MTUS2: variants seen among roughly 807,000 people sequenced by gnomAD.
MTUS2 encodes the protein microtubule-associated tumor suppressor candidate 2.
MTUS2 carries 40 observed loss-of-function variants against 114.1 expected under a neutral mutation model. The observed-to-expected ratio is 0.35, with a 90% CI of 0.27 to 0.46. The LOEUF is 0.46. Ranked by LOEUF, MTUS2 falls within the 20% of genes least tolerant of loss-of-function variation. MTUS2 has a pLI of 1.00. For missense variants in MTUS2, 1,679 were observed against 1,705.4 expected (o/e 0.98, Z 0.27); for synonymous variants, 688 against 672.0 (o/e 1.02, Z -0.37).
At chr13:29,246,925 A>G (rs1896948039) in intron 5 of MTUS2, among the ~76,000 whole-genome samples, 1 of 152,006 alleles carries the variant, frequency 6.6e-6, no homozygotes, top group Non-Finnish European at 1.5e-5. Flanking sequence ...TCAAAAATTC[A>G]TATGGAGCCA....
intron 5 of MTUS2, among the ~76,000 whole-genome samples, chr13:29,244,318 T>TATGGGTG (rs1896832399): frequency 6.6e-6 from 1 of 152,092 alleles, no homozygotes; most frequent in South Asian, 2.1e-4. Context: ...AGACTTACAG[T>TATGGGTG]CATGATCGAG....
At position 29,483,727 on chromosome 13, in the gene MTUS2, T is replaced by C. The variant is rs114723015; in HGVS notation, c.3399+3363T>C. Reference sequence around the variant, plus strand: ...GTTTAAAGACAAGGTATAACTCTTATTTTAAAGGTGCAATTATAAAGGTGT... The same window carrying C: ...GTTTAAAGACAAGGTATAACTCTTACTTTAAAGGTGCAATTATAAAGGTGT... On this transcript the variant is annotated intron_variant, in intron 10 of 15. Transcript: ENST00000612955. Among the ~76,000 whole-genome samples the C allele has an allele frequency of 5.4e-3, 826 of 152,316 alleles. 7 individuals are homozygous for C. The highest frequency in any genetic ancestry group is 0.018 in the African/African-American group (762 of 41,570).
intron 5 of MTUS2, among the ~76,000 whole-genome samples, chr13:29,232,167 A>G (rs1372773774): frequency 6.6e-6 from 1 of 152,138 alleles, no homozygotes; most frequent in African/African-American, 2.4e-5. Flanking sequence ...GCTTTTATTA[A>G]TAAAAGCCAG....
chr13:28,940,153 C>G (rs1882146598), intron 2 of MTUS2, among the ~76,000 whole-genome samples: 1 of 152,114 alleles, frequency 6.6e-6, no homozygotes, highest in African/African-American at 2.4e-5. Context: ...AACACAGAAA[C>G]CTATGTTTGT....
chr13:28,834,336 C>G (rs970890653), intron 1 of MTUS2, among the ~76,000 whole-genome samples: 1 of 152,056 alleles, frequency 6.6e-6, no homozygotes, highest in Non-Finnish European at 1.5e-5. Context: ...CCTTATAGAT[C>G]AGTGGTATAA....
intron 7 of MTUS2, among the ~76,000 whole-genome samples, chr13:29,335,604 TC>T (rs928816510): frequency 6.6e-6 from 1 of 152,226 alleles, no homozygotes; most frequent in Non-Finnish European, 1.5e-5. Context: ...ATGTGATATC[TC>T]CCCCAGACAC....
intron 5 of MTUS2, among the ~76,000 whole-genome samples, chr13:29,113,059 G>A (rs1041908562): frequency 6.6e-6 from 1 of 152,142 alleles, no homozygotes; most frequent in Admixed American, 6.5e-5. Flanking sequence ...TGGATTTTAG[G>A]GCCGTCTCCA....
intron 12 of MTUS2, among the ~76,000 whole-genome samples, chr13:29,495,076 C>T (rs564058051): frequency 3.4e-5 from 5 of 147,600 alleles, no homozygotes; most frequent in Admixed American, 1.4e-4. Flanking sequence ...CCCAGCTACT[C>T]GGGAGGCTGA....
At chr13:28,875,630 G>A (rs944932583) in intron 2 of MTUS2, among the ~76,000 whole-genome samples, 1 of 152,132 alleles carries the variant, frequency 6.6e-6, no homozygotes, top group Admixed American at 6.5e-5. Flanking sequence ...CTCTTCCCAG[G>A]GAGAAAGTTA....
At chr13:29,056,686 T>G (rs1481353283) in intron 4 of MTUS2, among the ~76,000 whole-genome samples, 1 of 152,120 alleles carries the variant, frequency 6.6e-6, no homozygotes, top group African/African-American at 2.4e-5. Context: ...TTGTGTTTAT[T>G]TGCATCGTCT....
At chr13:29,458,196 C>T (rs1879253590) in intron 9 of MTUS2, among the ~76,000 whole-genome samples, 1 of 152,216 alleles carries the variant, frequency 6.6e-6, no homozygotes, top group African/African-American at 2.4e-5. Context: ...ATGCTTGCCA[C>T]ATGTCCCACC....
intron 2 of MTUS2, among the ~76,000 whole-genome samples, chr13:28,998,089 G>T (rs996941841): frequency 1.3e-5 from 2 of 151,934 alleles, no homozygotes; most frequent in African/African-American, 4.8e-5. Context: ...AGGCCTGGTG[G>T]TGACAAAGTC....
intron 5 of MTUS2, among the ~76,000 whole-genome samples, chr13:29,258,593 A>G (rs1481809293): frequency 1.3e-5 from 2 of 152,178 alleles, no homozygotes; most frequent in Non-Finnish European, 2.9e-5. Context: ...GATTACATGT[A>G]TGTTCAGAAT....
chr13:29,214,096 G>A (rs1895574366), intron 5 of MTUS2, among the ~76,000 whole-genome samples: 1 of 151,800 alleles, frequency 6.6e-6, no homozygotes, highest in Non-Finnish European at 1.5e-5. Flanking sequence ...CTTACCAACA[G>A]CATACTTCCA....
At chr13:29,368,953 T>C (rs1000015001) in intron 8 of MTUS2, among the ~76,000 whole-genome samples, 2 of 152,066 alleles carry the variant, frequency 1.3e-5, no homozygotes, top group African/African-American at 4.8e-5. Flanking sequence ...GCAGTAGGCC[T>C]GGCAAGGAGA....
chr13:28,832,634 TATATA>T (rs1018339137), intron 1 of MTUS2, among the ~76,000 whole-genome samples: 16 of 148,340 alleles, frequency 1.1e-4, no homozygotes, highest in African/African-American at 3.7e-4. Flanking sequence ...AATATATAAA[TATATA>T]TAATATGACA....
intron 1 of MTUS2, among the ~76,000 whole-genome samples, chr13:28,829,204 C>T (rs758202424): frequency 2.6e-5 from 4 of 152,164 alleles, no homozygotes; most frequent in Non-Finnish European, 5.9e-5. Flanking sequence ...CCCATTCCTT[C>T]ATCCGCAGCT....
chr13:29,440,021 C>T lies in MTUS2; in HGVS notation c.3156C>T (p.Ile1052=), dbSNP rs546167811. 3.1e-6 allele frequency: 5 copies of T among 1,589,160 alleles called. No individual in the cohort carries two copies. The highest frequency in any genetic ancestry group is 2.3e-5 in the East Asian group (1 of 44,398). ...SALVKEKELS[I]ELANIRDEVA... is the part of the protein sequence containing the mutation. ...TTGTGAAAGAAAAAGAGCTGTCAAT[C>T]GAACTTGCAAACATCAGGGATGAAG... The change falls in exon 9 of 16, where the codon ATC becomes ATT. Residue 1052 remains isoleucine, a synonymous_variant. Transcript: ENST00000612955.
chr13:28,913,346 C>A (rs1011658833), intron 2 of MTUS2, among the ~76,000 whole-genome samples: 2 of 152,002 alleles, frequency 1.3e-5, no homozygotes, highest in Non-Finnish European at 2.9e-5. Flanking sequence ...TTATTGAAGT[C>A]CTTTTCTGTG....
Sources: gnomAD v4.1 joint callset for allele counts (sites outside exome capture counted in the v4.1 genomes callset) on GRCh38, gnomAD v4.1.1 for gene constraint, MANE v1.5 for transcripts, NCBI Gene and HGNC (gene_info 2026-07-23, HGNC 2026-07-21) for gene names.